RREB1: variants seen among roughly 807,000 people sequenced by gnomAD.
RREB1 encodes ras-responsive element-binding protein 1.
A neutral mutation model predicts 117.8 loss-of-function variants in RREB1; 27 were observed. That is an observed-to-expected ratio of 0.23 (90% CI 0.17 to 0.32). RREB1 has a LOEUF of 0.32. Ranked by LOEUF, RREB1 falls within the 10% of genes least tolerant of loss-of-function variation. The probability of loss-of-function intolerance (pLI) is 1.00; values close to 1 mark genes in which losing one functional copy is unlikely to be tolerated. For synonymous variants in RREB1, 1,298 were observed against 1,026.7 expected, an observed-to-expected ratio of 1.26 and a Z score of -5.05; for missense variants, 2,577 against 2,378.2, an observed-to-expected ratio of 1.08 and a Z score of -1.74.
In RREB1 at chr6:7,248,807, A is replaced by G; in HGVS notation, c.5068A>G (p.Lys1690Glu). 1.9e-6 allele frequency: 3 copies of G among 1,613,826 alleles called. No homozygotes were observed. Among genetic ancestry groups the G allele is most frequent in the South Asian group, 2.2e-5 (2 of 91,058 alleles). Residue 1690 changes from lysine (K) to glutamate (E), a missense_variant, in exon 13 of 13, where the codon AAG (lysine) becomes GAG (glutamate). By Grantham distance (56) the Lys-to-Glu change is moderately conservative. Coordinates refer to ENST00000379938, the MANE Select transcript of RREB1 (RefSeq NM_001003699.4). Reference sequence around the variant, plus strand: ...CAAGGACTGCAGCCACAGGGAGGAGAAGGTCACGGCAGGGTGGCCGTCTGA... The same window carrying G: ...CAAGGACTGCAGCCACAGGGAGGAGGAGGTCACGGCAGGGTGGCCGTCTGA... ...ATKDCSHREE[K>E]VTAGWPSEPG...
chr6:7,109,038 G>A (rs962924810), intron 1 of RREB1, among the ~76,000 whole-genome samples: 4 of 151,422 alleles, frequency 2.6e-5, no homozygotes, highest in African/African-American at 9.7e-5. Flanking sequence ...GGGGGTGGGG[G>A]GCTCGGCGCC....
intron 1 of RREB1, among the ~76,000 whole-genome samples, chr6:7,165,657 G>T (rs1561755427): frequency 6.6e-6 from 1 of 152,182 alleles, no homozygotes; most frequent in Non-Finnish European, 1.5e-5. Context: ...TGACCCATGG[G>T]GACTGGGTGG....
At chr6:7,172,548 C>T (rs1441907555) in intron 1 of RREB1, among the ~76,000 whole-genome samples, 1 of 152,164 alleles carries the variant, frequency 6.6e-6, no homozygotes, top group Admixed American at 6.5e-5. Context: ...ATGCCCAGCT[C>T]TCCCCAATCT....
At chr6:7,164,098 G>A (rs959320045) in intron 1 of RREB1, among the ~76,000 whole-genome samples, 3 of 152,114 alleles carry the variant, frequency 2.0e-5, no homozygotes, top group African/African-American at 4.8e-5. Flanking sequence ...TCCTCTGGTC[G>A]CCACACATGC....
intron 1 of RREB1, among the ~76,000 whole-genome samples, chr6:7,161,880 CTGAT>C (rs1763683172): frequency 1.3e-5 from 2 of 152,198 alleles, no homozygotes; most frequent in African/African-American, 4.8e-5. Context: ...TTATATACCT[CTGAT>C]TGTCCATTTT....
At chr6:7,164,860 T>C (rs1180271571) in intron 1 of RREB1, among the ~76,000 whole-genome samples, 1 of 152,208 alleles carries the variant, frequency 6.6e-6, no homozygotes, top group Non-Finnish European at 1.5e-5. Flanking sequence ...TGCAAGGACA[T>C]GGTGTTCTGC....
chr6:7,185,888 T>C (rs1765056100), intron 4 of RREB1, among the ~76,000 whole-genome samples: 1 of 152,198 alleles, frequency 6.6e-6, no homozygotes, highest in Non-Finnish European at 1.5e-5. Flanking sequence ...TTAATAGTTC[T>C]CTGACTTGGG....
Position 7,249,062 on chromosome 6 carries a change from TGAGAGAGAGAGAGAGA to T in RREB1, c.*121_*136del, listed in dbSNP as rs4053178. On this transcript the variant is annotated 3_prime_UTR_variant, in exon 13 of 13. Transcript: ENST00000379938. ...TCAGTGCCCTTTGGCTGTTGAGGAG[TGAGAGAGAGAGAGAGA>T]GAGAGAGAGAGAGAGAGAGAGAGAG... 4.1e-3 allele frequency: 2,311 copies of T among 568,016 alleles called. 1 individual carries two copies. The highest frequency in any genetic ancestry group is 0.015 in the Middle Eastern group (33 of 2,152). The allele number at this position is 568,016 out of a possible 1,614,324, so 35.2% of individuals were successfully genotyped here.
At chr6:7,157,433 CAAAA>C (rs57996771) in intron 1 of RREB1, among the ~76,000 whole-genome samples, 1 of 137,550 alleles carries the variant, frequency 7.3e-6, no homozygotes, top group South Asian at 2.4e-4. Context: ...GACTCCATCT[CAAAA>C]AAAAAAAAAA....
intron 11 of RREB1, among the ~76,000 whole-genome samples, chr6:7,243,137 A>C (rs1768817152): frequency 6.6e-6 from 1 of 152,206 alleles, no homozygotes; most frequent in Admixed American, 6.5e-5. Context: ...ACTACACCTC[A>C]GGAAACCCTC....
intron 1 of RREB1, among the ~76,000 whole-genome samples, chr6:7,115,203 G>A (rs1255532986): frequency 1.3e-5 from 2 of 152,114 alleles, no homozygotes; most frequent in Non-Finnish European, 2.9e-5. Context: ...GTGGTTGGGA[G>A]GGATAGGGAG....
rs150739890 is a variant in RREB1 at position 7,244,875 on chromosome 6, G to A, written c.3974-1549G>A. 3.5e-4 allele frequency among the ~76,000 whole-genome samples: 53 copies of A among 152,304 alleles called. 1 individual carries two copies. The East Asian group carries it at 6.2e-3, about 18-fold the overall frequency. Reference sequence around the variant, plus strand: ...CCCCAGCCCTCCTGACCGCCTTGATGGCAAATCATCAAGCATGTGACATTG... The same window carrying A: ...CCCCAGCCCTCCTGACCGCCTTGATAGCAAATCATCAAGCATGTGACATTG... On this transcript the variant is annotated intron_variant, in intron 11 of 12. Transcript: ENST00000379938.
chr6:7,178,140 G>A (rs1764601591), intron 2 of RREB1, among the ~76,000 whole-genome samples: 1 of 152,102 alleles, frequency 6.6e-6, no homozygotes. Context: ...GATTACAGGT[G>A]TGAGCCACCA....
At chr6:7,181,349 ATTTG>A (rs1000270187) in intron 3 of RREB1, 103 bp downstream of exon 3, 24 of 399,910 alleles carry the variant, frequency 6.0e-5, no homozygotes, top group Admixed American at 5.7e-4. Flanking sequence ...TCAATTTGAA[ATTTG>A]TTTGTAACTC....
At chr6:7,113,198 A>C (rs1179419657) in intron 1 of RREB1, among the ~76,000 whole-genome samples, 1 of 152,182 alleles carries the variant, frequency 6.6e-6, no homozygotes, top group South Asian at 2.1e-4. Context: ...TGCAGACATC[A>C]TGAGGGTGGG....
intron 1 of RREB1, among the ~76,000 whole-genome samples, chr6:7,119,734 T>C (rs563903643): frequency 3.6e-4 from 55 of 152,296 alleles, no homozygotes; most frequent in African/African-American, 1.3e-3. Context: ...CAGATTAGCA[T>C]GATGAGATTT....
At chr6:7,242,700 A>AAG (rs765810052) in intron 11 of RREB1, among the ~76,000 whole-genome samples, 8 of 134,834 alleles carry the variant, frequency 5.9e-5, no homozygotes, top group South Asian at 2.6e-4. Context: ...CTTAAAAAAA[A>AAG]GGGGGGGGGG....
At chr6:7,219,088 AAT>A (rs1767080855) in intron 8 of RREB1, 1 of 120,126 alleles carries the variant, frequency 8.3e-6, no homozygotes, top group Non-Finnish European at 1.7e-5. Flanking sequence ...TCTCTACTAA[AAT>A]ACAAAAAAAA....
intron 11 of RREB1, among the ~76,000 whole-genome samples, chr6:7,245,424 A>T (rs1337653619): frequency 6.6e-6 from 1 of 152,212 alleles, no homozygotes; most frequent in Non-Finnish European, 1.5e-5. Flanking sequence ...AATCAGACAT[A>T]GGATCTGCAG....
Sources: allele counts gnomAD v4.1 joint callset (sites outside exome capture counted in the v4.1 genomes callset), GRCh38; gene constraint gnomAD v4.1.1; transcripts MANE v1.5; gene names NCBI Gene and HGNC (gene_info 2026-07-23, HGNC 2026-07-21).